Variants in HERC6 observed in about 807,000 individuals in gnomAD.
HERC6 encodes the protein probable E3 ubiquitin-protein ligase HERC6.
HERC6 carries 101 observed loss-of-function variants against 114.5 expected under a neutral mutation model. The observed-to-expected ratio is 0.88, with a 90% CI of 0.75 to 1.04. The LOEUF (loss-of-function observed/expected upper bound fraction) is 1.04, where lower values mean the gene tolerates loss of function less well. Among genes scored for constraint, HERC6 ranks in the 50% least tolerant of loss-of-function variants. The pLI, the probability that HERC6 is intolerant of heterozygous loss-of-function variation, is 0.00. For synonymous variants in HERC6, 408 were observed against 436.2 expected, an observed-to-expected ratio of 0.94 and a Z score of 0.81; for missense variants, 1,133 against 1,230.9, an observed-to-expected ratio of 0.92 and a Z score of 1.19.
At chr4:88,439,678 C>T (rs180704138) in intron 20 of HERC6, among the ~76,000 whole-genome samples, 196 bp from the exon 21 acceptor site, 25 of 152,252 alleles carry the variant, frequency 1.6e-4, no homozygotes, top group African/African-American at 4.8e-4. Flanking sequence ...TAGTTTTAAA[C>T]CTTCTGATTA....
Position 88,383,204 on chromosome 4 carries a change from T to A in HERC6, c.200-17T>A, listed in dbSNP as rs369147395. ...CTGCAGTGGTGGTTGGGGGGTGTTT[T>A]GTTTTGTTTCCCAAAGAACCAATTC... On this transcript the variant is annotated splice_polypyrimidine_tract_variant and intron_variant, in intron 1 of 22. Transcript: ENST00000264346. 6.2e-7 allele frequency: 1 copy of A among 1,607,130 alleles called. No homozygotes were observed. The highest frequency in any genetic ancestry group is 8.5e-7 in the Non-Finnish European group (1 of 1,176,638).
intron 20 of HERC6, among the ~76,000 whole-genome samples, chr4:88,439,616 G>A (rs1739125134): frequency 6.6e-6 from 1 of 152,126 alleles, no homozygotes; most frequent in Non-Finnish European, 1.5e-5. Context: ...GACATATTCA[G>A]ATTCATGTTT....
intron 5 of HERC6, among the ~76,000 whole-genome samples, chr4:88,395,085 A>C (rs1181476267): frequency 6.6e-6 from 1 of 152,234 alleles, no homozygotes. Context: ...ATAGACTTGA[A>C]AACTACTTGT....
At chr4:88,438,125 CAA>C (rs746047106) in intron 20 of HERC6, among the ~76,000 whole-genome samples, 556 of 43,878 alleles carry the variant, frequency 0.013, no homozygotes, top group African/African-American at 0.043. Context: ...GACTGTGTCT[CAA>C]AAAAAAAAAA....
chr4:88,400,053 G>A (rs1002048941), intron 8 of HERC6, among the ~76,000 whole-genome samples: 4 of 152,154 alleles, frequency 2.6e-5, no homozygotes, highest in Non-Finnish European at 4.4e-5. Context: ...CAAAGAGCTC[G>A]ACAAGATGGA....
At chr4:88,410,079 C>A in intron 11 of HERC6, among the ~76,000 whole-genome samples, 1 of 152,116 alleles carries the variant, frequency 6.6e-6, no homozygotes, top group Non-Finnish European at 1.5e-5. Flanking sequence ...TAAGACAGGT[C>A]TCAGTTAATT....
chr4:88,381,461 G>A (rs1203373613), intron 1 of HERC6, among the ~76,000 whole-genome samples: 2 of 151,872 alleles, frequency 1.3e-5, no homozygotes, highest in African/African-American at 4.8e-5. Flanking sequence ...AAATATATGG[G>A]AAAATCTAAT....
In HERC6 at chr4:88,398,177, G is replaced by T; in HGVS notation, c.1060G>T (p.Gly354Ter). The T allele has an allele frequency of 6.3e-7, 1 of 1,595,836 alleles. No individual in the cohort carries two copies. The highest frequency in any genetic ancestry group is 8.5e-7 in the Non-Finnish European group (1 of 1,171,874). Residue 354 changes from glycine to a stop codon, truncating the protein, a stop_gained, in exon 8 of 23, where the codon GGA (glycine) becomes TGA (stop). Transcript: ENST00000264346. LOFTEE classifies it high-confidence loss of function. ...VDVQVKHIFA[G>*]TYANFVTTHQ... ...TGTTCAAGTCAAACACATTTTTGCT[G>T]GAACATATGCCAACTTTGTGACAAC... is the stretch of plus-strand genomic sequence containing the variant.
chr4:88,383,301 G>A lies in HERC6; in HGVS notation c.280G>A (p.Gly94Arg), dbSNP rs370223927. 1.9e-6 allele frequency: 3 copies of A among 1,591,654 alleles called. No homozygotes were observed. The highest frequency in any genetic ancestry group is 1.3e-5 in the African/African-American group (1 of 74,480). ...GCACTCCCTGGCTGTGTGCCACAAA[G>A]GAAGGGTCTTCGCATGGGGAGCTGG... ...KEHSLAVCHK[G>R]RVFAWGAGSE... The change falls in exon 2 of 23, where the codon GGA (glycine) becomes AGA (arginine). Residue 94 changes from glycine to arginine, a missense_variant. Physicochemically the swap from Gly to Arg is moderately radical, Grantham distance 125. This residue lies in a region of HERC6 where 735 missense variants were observed against 754.0 expected (regional missense o/e 0.97). Transcript: ENST00000264346.
chr4:88,431,341 G>C (rs753642819), intron 17 of HERC6, 36 bp downstream of exon 17: 6 of 1,569,886 alleles, frequency 3.8e-6, no homozygotes, highest in Non-Finnish European at 5.2e-6. Flanking sequence ...CCCCAGAACA[G>C]AAAAGGCACC....
chr4:88,399,178 C>T (rs950757146), intron 8 of HERC6: 13 of 152,002 alleles, frequency 8.6e-5, no homozygotes, highest in Admixed American at 2.0e-4. Context: ...ACATTCCTGA[C>T]GACAGGAAAA....
chr4:88,430,305 C>T (rs1296539704), intron 16 of HERC6, among the ~76,000 whole-genome samples: 1 of 151,986 alleles, frequency 6.6e-6, no homozygotes, highest in East Asian at 1.9e-4. Context: ...AAAAGAGGGA[C>T]TGGGGCCAGG....
chr4:88,430,507 T>C (rs952094755), intron 16 of HERC6, among the ~76,000 whole-genome samples: 4 of 151,238 alleles, frequency 2.6e-5, no homozygotes, highest in African/African-American at 9.8e-5. Flanking sequence ...GAGGTGGAGA[T>C]TGCAGTAAGC....
chr4:88,398,097 T>C, intron 7 of HERC6, 45 bp from the exon 8 acceptor site: 1 of 1,331,288 alleles, frequency 7.5e-7, no homozygotes, highest in Non-Finnish European at 1.0e-6. Context: ...CAGATTTATT[T>C]TTACTTCTAG....
At chr4:88,424,004 T>C (rs1737337910) in intron 14 of HERC6, 31 bp downstream of exon 14, 2 of 1,081,336 alleles carry the variant, frequency 1.8e-6, no homozygotes, top group Non-Finnish European at 2.7e-6. Context: ...TCTGAAAATG[T>C]TCATATTTTA....
Position 88,404,947 on chromosome 4 carries a change from A to T in HERC6, c.1164A>T (p.Glu388Asp), listed in dbSNP as rs1178928873. 3.1e-6 allele frequency: 5 copies of T among 1,613,804 alleles called. No individual in the cohort carries two copies. The African/African-American group carries it at 5.3e-5, about 17-fold the overall frequency. Reference protein sequence around the residue: ...EISRISQSMAEKWIAVKRRST... With the variant: ...EISRISQSMADKWIAVKRRST... ...GCCGAATTAGCCAGTCCATGGCAGA[A>T]AAATGGATAGCAGTGAAAAGAAGAA... Residue 388 changes from glutamate to aspartate, a missense_variant, in exon 9 of 23, where the codon GAA (glutamate) becomes GAT (aspartate). Glu to Asp is a conservative substitution (Grantham distance 45). Coordinates refer to ENST00000264346, the MANE Select transcript of HERC6 (RefSeq NM_017912.4).
chr4:88,386,199 C>CTTTTTTTTTTTTTT (rs1262540915), intron 3 of HERC6, among the ~76,000 whole-genome samples: 11 of 131,938 alleles, frequency 8.3e-5, no homozygotes, highest in Non-Finnish European at 1.5e-4. Flanking sequence ...TTTTTCTTTT[C>CTTTTTTTTTTTTTT]TTTTTTTTTT....
intron 22 of HERC6, among the ~76,000 whole-genome samples, chr4:88,441,557 G>A (rs1397444733): frequency 1.3e-5 from 2 of 152,122 alleles, no homozygotes; most frequent in Non-Finnish European, 2.9e-5. Flanking sequence ...TTCTCTTGGT[G>A]GGAACCCTAA....
chr4:88,428,600 C>A lies in HERC6; in HGVS notation c.1956C>A (p.Tyr652Ter). The change falls in exon 16 of 23, where the codon TAC becomes TAA. Residue 652 changes from tyrosine (Y) to a stop codon, truncating the protein, a stop_gained. Transcript: ENST00000264346. LOFTEE classifies it high-confidence loss of function. ...IKMQMSEKKA[Y>*]MLMHETILQK... ...TCCAGATGTCAGAAAAGAAAGCATACATGCTTATGCATGAAACAATTCTGC... is the reference window on the plus strand; with the variant it reads ...TCCAGATGTCAGAAAAGAAAGCATAAATGCTTATGCATGAAACAATTCTGC... The A allele has an allele frequency of 6.3e-7, 1 of 1,597,834 alleles. No individual in the cohort carries two copies. Among genetic ancestry groups the A allele is most frequent in the Non-Finnish European group, 8.5e-7 (1 of 1,174,738 alleles).
Sources: gnomAD v4.1 joint callset for allele counts (sites outside exome capture counted in the v4.1 genomes callset) on GRCh38, gnomAD v4.1.1 for gene constraint, gnomAD v4.1.1 regional missense constraint, MANE v1.5 for transcripts, NCBI Gene and HGNC (gene_info 2026-07-23, HGNC 2026-07-21) for gene names.